AMPH: variants seen among roughly 807,000 people sequenced by gnomAD.
AMPH encodes amphiphysin, also known as amphiphysin (Stiff-Mann syndrome with breast cancer 128kD autoantigen).
Under a neutral mutation model 99.1 loss-of-function variants are expected in AMPH, and 49 were observed. The ratio of observed to expected loss-of-function variants is 0.49; its 90% CI spans 0.39 to 0.63. The LOEUF (loss-of-function observed/expected upper bound fraction) is 0.63, where lower values mean the gene tolerates loss of function less well. Ranked by LOEUF, AMPH falls within the 20% of genes least tolerant of loss-of-function variation. The pLI, the probability that AMPH is intolerant of heterozygous loss-of-function variation, is 0.00. For missense variants in AMPH, 759 were observed against 863.4 expected (o/e 0.88, Z 1.52); for synonymous variants, 314 against 317.3 (o/e 0.99, Z 0.11).
rs973353619 is a variant in AMPH, at chr7:38,525,774, G to A, written c.150+9157C>T. ...TTCAAGCAGGCTTTGGTGTGTGGCC[G>A]TAGTTATTTTCTTTTCATTGCTTAC... On this transcript the variant is annotated intron_variant, in intron 2 of 20. Transcript: ENST00000356264. Among the ~76,000 whole-genome samples the A allele has an allele frequency of 1.2e-4, 18 of 152,116 alleles. 1 individual carries two copies. Among genetic ancestry groups the A allele is most frequent in the African/African-American group, 3.6e-4 (15 of 41,424 alleles).
At chr7:38,579,419 T>C (rs1792365727) in intron 1 of AMPH, among the ~76,000 whole-genome samples, 1 of 152,200 alleles carries the variant, frequency 6.6e-6, no homozygotes, top group South Asian at 2.1e-4. Flanking sequence ...AGCTTCAACG[T>C]AGGTATGGGT....
chr7:38,416,126 T>TATATATATATATATGTA (rs70975100), intron 17 of AMPH, among the ~76,000 whole-genome samples: 1 of 132,406 alleles, frequency 7.6e-6, no homozygotes, highest in Non-Finnish European at 1.6e-5. Flanking sequence ...TATATATATA[T>TATATATATATATATGTA]TAGCTATTAC....
chr7:38,536,739 G>A (rs1236304219), intron 1 of AMPH, among the ~76,000 whole-genome samples: 1 of 151,894 alleles, frequency 6.6e-6, no homozygotes, highest in African/African-American at 2.4e-5. Context: ...CAGGAATCTA[G>A]TATCATAAAT....
intron 1 of AMPH, among the ~76,000 whole-genome samples, chr7:38,569,194 AAAGT>A (rs1209943385): frequency 6.6e-6 from 1 of 152,136 alleles, no homozygotes; most frequent in Non-Finnish European, 1.5e-5. Context: ...TATGCTACCT[AAAGT>A]AATAGTCTAA....
intron 18 of AMPH, chr7:38,392,790 A>C (rs1369510752): frequency 6.6e-6 from 1 of 152,394 alleles, no homozygotes; most frequent in Non-Finnish European, 1.5e-5. Context: ...GGAGGCCCCC[A>C]GTGCCTGAAC....
rs144648237 is a variant in AMPH, at chr7:38,570,022, T to C, written c.70-35011A>G. Among the ~76,000 whole-genome samples, 83 of 152,280 alleles carry C rather than the reference T, an allele frequency of 5.5e-4. 1 individual carries two copies. Among genetic ancestry groups the C allele is most frequent in the Middle Eastern group, 6.8e-3 (2 of 294 alleles). On this transcript the variant is annotated intron_variant, in intron 1 of 20. Transcript: ENST00000356264. ...ACAGCAAAAATCTTACACAACACTGTACTGAGTGTAAATGGATGTTCAAGT... is the reference window on the plus strand; with the variant it reads ...ACAGCAAAAATCTTACACAACACTGCACTGAGTGTAAATGGATGTTCAAGT...
chr7:38,545,593 C>G (rs991092698), intron 1 of AMPH, among the ~76,000 whole-genome samples: 2 of 152,098 alleles, frequency 1.3e-5, no homozygotes, highest in Non-Finnish European at 2.9e-5. Context: ...TTAAATGATG[C>G]CTTTTGGTAA....
chr7:38,459,212 T>C (rs903479702), intron 11 of AMPH, among the ~76,000 whole-genome samples: 2 of 151,894 alleles, frequency 1.3e-5, no homozygotes, highest in Admixed American at 6.6e-5. Flanking sequence ...AAAATACTGA[T>C]GAAAGAAAAT....
chr7:38,582,198 C>T (rs1287475719), intron 1 of AMPH, among the ~76,000 whole-genome samples: 1 of 151,978 alleles, frequency 6.6e-6, no homozygotes, highest in African/African-American at 2.4e-5. Flanking sequence ...AGTCTAGTAC[C>T]CTGGAAGCCA....
At chr7:38,444,232 T>C (rs1786668507) in intron 11 of AMPH, among the ~76,000 whole-genome samples, 1 of 152,190 alleles carries the variant, frequency 6.6e-6, no homozygotes, top group Admixed American at 6.5e-5. Context: ...ATGACTCACA[T>C]ATCATTGATC....
chr7:38,414,070 A>G (rs1273598409), intron 17 of AMPH, among the ~76,000 whole-genome samples: 15 of 152,358 alleles, frequency 9.8e-5, no homozygotes, highest in Admixed American at 9.8e-4. Context: ...AGAGCCTGAC[A>G]CCTACAGAGG....
chr7:38,474,236 A>G (rs1788001594), intron 7 of AMPH, among the ~76,000 whole-genome samples: 1 of 152,034 alleles, frequency 6.6e-6, no homozygotes, highest in African/African-American at 2.4e-5. Flanking sequence ...CCCAGAAATA[A>G]TGGCACCAAA....
At chr7:38,558,078 T>C (rs1463080458) in intron 1 of AMPH, among the ~76,000 whole-genome samples, 1 of 151,800 alleles carries the variant, frequency 6.6e-6, no homozygotes, top group East Asian at 1.9e-4. Context: ...CCATGAAACA[T>C]TTAAGAGGTA....
chr7:38,577,093 G>A (rs2129054047), intron 1 of AMPH, among the ~76,000 whole-genome samples: 1 of 152,276 alleles, frequency 6.6e-6, no homozygotes, highest in East Asian at 1.9e-4. Flanking sequence ...GTGTAATTCA[G>A]AAATTCAGAA....
At chr7:38,536,494 C>T (rs1001836277) in intron 1 of AMPH, among the ~76,000 whole-genome samples, 5 of 152,026 alleles carry the variant, frequency 3.3e-5, no homozygotes, top group East Asian at 3.8e-4. Flanking sequence ...TTATTCTAAA[C>T]GAAAAATGAT....
At chr7:38,556,161 T>C (rs76158038) in intron 1 of AMPH, among the ~76,000 whole-genome samples, 14,607 of 152,088 alleles carry the variant, frequency 0.096, 927 homozygotes, top group East Asian at 0.23. Flanking sequence ...ATAAAATTAA[T>C]TGTTTTAATT....
intron 1 of AMPH, among the ~76,000 whole-genome samples, chr7:38,581,588 C>T (rs1416722935): frequency 6.6e-6 from 1 of 152,130 alleles, no homozygotes; most frequent in Non-Finnish European, 1.5e-5. Context: ...ACGATAGAGC[C>T]TCACTCACCT....
At chr7:38,582,840 C>G (rs752930263) in intron 1 of AMPH, among the ~76,000 whole-genome samples, 2 of 151,120 alleles carry the variant, frequency 1.3e-5, no homozygotes, top group Non-Finnish European at 2.9e-5. Context: ...GTCTGAAAAG[C>G]TCTAGCCTGA....
At chr7:38,406,849 G>C (rs2128982604) in intron 17 of AMPH, among the ~76,000 whole-genome samples, 1 of 144,450 alleles carries the variant, frequency 6.9e-6, no homozygotes, top group East Asian at 2.1e-4. Context: ...TGGCCTCTTG[G>C]GGGTTCTCAG....
Sources: gnomAD v4.1 joint callset for allele counts (sites outside exome capture counted in the v4.1 genomes callset) on GRCh38, gnomAD v4.1.1 for gene constraint, MANE v1.5 for transcripts, NCBI Gene and HGNC (gene_info 2026-07-23, HGNC 2026-07-21) for gene names.